TBC1D5: variants seen among roughly 807,000 people sequenced by gnomAD.
TBC1D5 encodes the protein TBC1 domain family member 5.
In TBC1D5, 75 loss-of-function variants were observed where a neutral mutation model predicts 100.3. The ratio of observed to expected loss-of-function variants is 0.75; its 90% CI spans 0.62 to 0.91. The LOEUF is 0.91. Among genes scored for constraint, TBC1D5 ranks in the 40% least tolerant of loss-of-function variants. The pLI, the probability that TBC1D5 is intolerant of heterozygous loss-of-function variation, is 0.00. For synonymous variants in TBC1D5, 323 were observed against 325.6 expected, an observed-to-expected ratio of 0.99 and a Z score of 0.09; for missense variants, 910 against 942.4, an observed-to-expected ratio of 0.97 and a Z score of 0.45.
chr3:17,595,711 A>T (rs1050515018), intron 2 of TBC1D5, among the ~76,000 whole-genome samples: 1 of 151,972 alleles, frequency 6.6e-6, no homozygotes, highest in African/African-American at 2.4e-5. Flanking sequence ...TAAAAGTCAT[A>T]CTTCCAATTT....
chr3:17,594,864 A>T (rs372518143), intron 2 of TBC1D5, among the ~76,000 whole-genome samples: 2 of 152,126 alleles, frequency 1.3e-5, no homozygotes, highest in African/African-American at 4.8e-5. Flanking sequence ...GTTAATACGG[A>T]GTGTCAACTT....
rs558541626 is a variant in TBC1D5 at position 17,701,504 on chromosome 3, G to A, written c.-101+37839C>T. 5.3e-5 allele frequency among the ~76,000 whole-genome samples: 8 copies of A among 152,148 alleles called. 1 individual carries two copies. In the East Asian group the frequency reaches 7.7e-4, roughly 15 times the overall value. ...AATAAAAAAAAGTCTCCTGGGTGGC[G>A]CACAACTGTAGTTCCAGCTACTACA... On this transcript the variant is annotated intron_variant, in intron 1 of 21. Coordinates refer to ENST00000253692, the Ensembl canonical transcript of TBC1D5.
intron 18 of TBC1D5, among the ~76,000 whole-genome samples, chr3:17,186,869 C>CAT (rs2069187429): frequency 6.6e-6 from 1 of 151,840 alleles, no homozygotes; most frequent in African/African-American, 2.4e-5. Context: ...GCAAGTGTAG[C>CAT]AGCCTCTCCT....
chr3:17,373,618 C>T (rs1162558982), intron 12 of TBC1D5, among the ~76,000 whole-genome samples: 1 of 152,100 alleles, frequency 6.6e-6, no homozygotes, highest in Non-Finnish European at 1.5e-5. Context: ...AAATGTCCAT[C>T]GACTGATGTA....
intron 2 of TBC1D5, among the ~76,000 whole-genome samples, chr3:17,602,561 A>ATTTTTTTTTTTTTTTT (rs33956978): frequency 5.4e-5 from 4 of 74,516 alleles, no homozygotes; most frequent in Middle Eastern, 8.5e-3. Flanking sequence ...AGAGAATCAG[A>ATTTTTTTTTTTTTTTT]TTTTTTTTTT....
chr3:17,543,505 G>A (rs1308447002), intron 2 of TBC1D5, among the ~76,000 whole-genome samples: 1 of 152,040 alleles, frequency 6.6e-6, no homozygotes, highest in African/African-American at 2.4e-5. Flanking sequence ...AGGTGTGGTG[G>A]TGTGCACCTG....
chr3:17,591,105 G>A (rs533250761), intron 2 of TBC1D5, among the ~76,000 whole-genome samples: 82 of 151,126 alleles, frequency 5.4e-4, no homozygotes, highest in Non-Finnish European at 9.7e-4. Flanking sequence ...GTGTGGTGGC[G>A]GGCGCCTGTA....
At chr3:17,274,582 T>G (rs1183213581) in intron 15 of TBC1D5, among the ~76,000 whole-genome samples, 1 of 152,206 alleles carries the variant, frequency 6.6e-6, no homozygotes, top group African/African-American at 2.4e-5. Context: ...GTTTACCTCT[T>G]TCTTGGGTTT....
At chr3:17,311,504 A>C (rs1007847763) in intron 13 of TBC1D5, among the ~76,000 whole-genome samples, 3 of 152,030 alleles carry the variant, frequency 2.0e-5, no homozygotes, top group African/African-American at 7.2e-5. Flanking sequence ...TGCTATTCCC[A>C]GGGGAACAGT....
At chr3:17,552,489 A>T (rs1309643407) in intron 2 of TBC1D5, among the ~76,000 whole-genome samples, 1 of 152,122 alleles carries the variant, frequency 6.6e-6, no homozygotes, top group African/African-American at 2.4e-5. Context: ...AGAAAGGCAA[A>T]TCATGAAAGA....
chr3:17,391,313 G>A (rs2093344345), intron 8 of TBC1D5, among the ~76,000 whole-genome samples: 1 of 152,032 alleles, frequency 6.6e-6, no homozygotes, highest in Non-Finnish European at 1.5e-5. Flanking sequence ...GATCCACATG[G>A]AGAGGAACCA....
intron 4 of TBC1D5, among the ~76,000 whole-genome samples, chr3:17,421,163 A>C (rs1253951231): frequency 6.6e-6 from 1 of 152,234 alleles, no homozygotes; most frequent in Non-Finnish European, 1.5e-5. Context: ...AAGCACAGAT[A>C]CTATCATAAA....
chr3:17,678,029 T>C (rs2068880724), intron 1 of TBC1D5, among the ~76,000 whole-genome samples: 1 of 152,132 alleles, frequency 6.6e-6, no homozygotes, highest in South Asian at 2.1e-4. Flanking sequence ...TTAGGAGATA[T>C]ACCTAATGTA....
At chr3:17,219,557 G>A (rs1353435633) in intron 17 of TBC1D5, among the ~76,000 whole-genome samples, 4 of 151,468 alleles carry the variant, frequency 2.6e-5, no homozygotes, top group Non-Finnish European at 5.9e-5. Context: ...CTGGGAATCA[G>A]ATCCTATTCC....
chr3:17,471,449 A>C (rs1002300705), intron 3 of TBC1D5, among the ~76,000 whole-genome samples: 23 of 152,300 alleles, frequency 1.5e-4, no homozygotes, highest in African/African-American at 5.5e-4. Flanking sequence ...CATAAGTATA[A>C]TTTTAAAAAC....
intron 1 of TBC1D5, among the ~76,000 whole-genome samples, chr3:17,639,141 GATGA>G (rs1327804816): frequency 2.6e-5 from 4 of 152,106 alleles, no homozygotes; most frequent in Non-Finnish European, 5.9e-5. Context: ...ACTGACAGAT[GATGA>G]ATGTTTTGAC....
chr3:17,406,389 G>A, intron 5 of TBC1D5, 29 bp downstream of exon 5: 1 of 1,593,330 alleles, frequency 6.3e-7, no homozygotes, highest in Non-Finnish European at 8.6e-7. Context: ...ATTGCAACCA[G>A]AAACTGTAAA....
intron 2 of TBC1D5, among the ~76,000 whole-genome samples, chr3:17,530,579 C>T (rs913476008): frequency 6.6e-6 from 1 of 152,206 alleles, no homozygotes; most frequent in African/African-American, 2.4e-5. Context: ...ATGCCACACA[C>T]TAGCCAAAGC....
At chr3:17,672,085 G>T (rs546127522) in intron 1 of TBC1D5, among the ~76,000 whole-genome samples, 5 of 152,144 alleles carry the variant, frequency 3.3e-5, no homozygotes, top group South Asian at 4.1e-4. Context: ...TAAATTGACA[G>T]CTTTCTCTTT....
Sources: allele counts gnomAD v4.1 joint callset (sites outside exome capture counted in the v4.1 genomes callset), GRCh38; gene constraint gnomAD v4.1.1; transcripts MANE v1.5; gene names NCBI Gene and HGNC (gene_info 2026-07-23, HGNC 2026-07-21).